The following NT5C2 variants were observed in gnomAD, a reference collection of about 807,000 sequenced individuals.
The protein encoded by NT5C2 is cytosolic purine 5'-nucleotidase.
A neutral mutation model predicts 76.1 loss-of-function variants in NT5C2; 58 were observed. That is an observed-to-expected ratio of 0.76 (90% CI 0.62 to 0.95). NT5C2 has a LOEUF of 0.95. Ranked by LOEUF, NT5C2 falls within the 40% of genes least tolerant of loss-of-function variation. The pLI, the probability that NT5C2 is intolerant of heterozygous loss-of-function variation, is 0.00. For missense variants in NT5C2, 478 were observed against 690.3 expected, an observed-to-expected ratio of 0.69 and a Z score of 3.45; for synonymous variants, 229 against 237.4, an observed-to-expected ratio of 0.96 and a Z score of 0.32.
At chr10:103,172,113 G>A (rs1329648175) in intron 3 of NT5C2, among the ~76,000 whole-genome samples, 1 of 151,980 alleles carries the variant, frequency 6.6e-6, no homozygotes, top group Non-Finnish European at 1.5e-5. Context: ...GGGACGGTGA[G>A]GCAGGAGAAT....
chr10:103,124,820 C>T (rs1270982683), intron 4 of NT5C2, among the ~76,000 whole-genome samples: 1 of 150,620 alleles, frequency 6.6e-6, no homozygotes, highest in African/African-American at 2.4e-5. Context: ...AAAAGTAAGA[C>T]TAGGTCTAAA....
At chr10:103,105,936 C>A in intron 5 of NT5C2, 135 bp from the exon 6 acceptor site, 2 of 553,448 alleles carry the variant, frequency 3.6e-6, no homozygotes, top group Non-Finnish European at 6.4e-6. Context: ...CCTAATATAG[C>A]TAAAGTGAGT....
chr10:103,097,931 G>C (rs1156853847), intron 10 of NT5C2: 3 of 468,826 alleles, frequency 6.4e-6, no homozygotes, highest in African/African-American at 2.1e-5. Flanking sequence ...TTCTCGCATA[G>C]CAAATAGATT....
In NT5C2 at chr10:103,181,198, A is replaced by G. The variant is rs946990072; in HGVS notation, c.-38T>C. The G allele has an allele frequency of 1.3e-5, 2 of 152,104 alleles. No individual in the cohort carries two copies. The highest frequency in any genetic ancestry group is 2.9e-5 in the Non-Finnish European group (2 of 68,032). 9.4% of individuals were successfully genotyped at this position (152,104 alleles called of 1,614,324 possible). On this transcript the variant is annotated 5_prime_UTR_variant, in exon 2 of 19. Transcript: ENST00000404739. Reference sequence around the variant, plus strand: ...CTTATTGTATACCAATTATGCCACAATAAGACTTTTTCAGCCAGTGGCAGT... The same window carrying G: ...CTTATTGTATACCAATTATGCCACAGTAAGACTTTTTCAGCCAGTGGCAGT...
intron 17 of NT5C2, 32 bp downstream of exon 17, chr10:103,090,904 C>G: frequency 6.2e-7 from 1 of 1,608,714 alleles, no homozygotes; most frequent in Non-Finnish European, 8.5e-7. Context: ...AAACTTATTT[C>G]CCAAGTTTTC....
At chr10:103,172,770 G>A (rs892829517) in intron 3 of NT5C2, among the ~76,000 whole-genome samples, 1 of 152,178 alleles carries the variant, frequency 6.6e-6, no homozygotes, top group Non-Finnish European at 1.5e-5. Context: ...AGGAGGCAGA[G>A]GTTGCAGTGA....
chr10:103,131,964 G>C (rs952384206), intron 4 of NT5C2, among the ~76,000 whole-genome samples: 12 of 151,904 alleles, frequency 7.9e-5, no homozygotes, highest in Admixed American at 2.6e-4. Flanking sequence ...GTATTGGCCA[G>C]GCATGGTGGC....
intron 4 of NT5C2, among the ~76,000 whole-genome samples, chr10:103,123,506 TGCCTG>T (rs1221122681): frequency 6.6e-6 from 1 of 152,226 alleles, no homozygotes; most frequent in Non-Finnish European, 1.5e-5. Context: ...TGAGCAATCA[TGCCTG>T]GCCTTATTTT....
At chr10:103,173,006 T>TCAAAA (rs893240860) in intron 3 of NT5C2, among the ~76,000 whole-genome samples, 6 of 151,942 alleles carry the variant, frequency 3.9e-5, no homozygotes, top group Admixed American at 1.3e-4. Flanking sequence ...AGACTCTGTC[T>TCAAAA]CAAAACAAAA....
intron 4 of NT5C2, among the ~76,000 whole-genome samples, chr10:103,138,863 C>T (rs190790531): frequency 1.1e-4 from 17 of 152,108 alleles, no homozygotes; most frequent in African/African-American, 3.6e-4. Context: ...AAAAATTAGC[C>T]GGGTGTGGTG....
intron 4 of NT5C2, among the ~76,000 whole-genome samples, chr10:103,121,365 T>G (rs982862427): frequency 3.9e-5 from 6 of 152,220 alleles, no homozygotes; most frequent in African/African-American, 1.4e-4. Flanking sequence ...TGCATAATAT[T>G]TCTTGCTTTA....
At chr10:103,113,050 A>G (rs924585362) in intron 4 of NT5C2, among the ~76,000 whole-genome samples, 6 of 152,224 alleles carry the variant, frequency 3.9e-5, no homozygotes, top group Non-Finnish European at 7.3e-5. Context: ...CCTAAAAAAG[A>G]TATTTTCATA....
At chr10:103,151,584 C>T (rs551625334) in intron 3 of NT5C2, among the ~76,000 whole-genome samples, 40 of 152,142 alleles carry the variant, frequency 2.6e-4, no homozygotes, top group Middle Eastern at 3.4e-3. Context: ...AATCTATATG[C>T]CTATCTTAAC....
At chr10:103,144,848 C>T (rs2081203630) in intron 3 of NT5C2, among the ~76,000 whole-genome samples, 1 of 152,170 alleles carries the variant, frequency 6.6e-6, no homozygotes, top group South Asian at 2.1e-4. Context: ...CTATGAAGTT[C>T]TACCAAATAT....
At chr10:103,095,868 C>T in intron 12 of NT5C2, 71 bp downstream of exon 12, 1 of 1,391,992 alleles carries the variant, frequency 7.2e-7, no homozygotes, top group East Asian at 2.3e-5. Flanking sequence ...TTCTTTCCCC[C>T]TTAATATTCC....
At chr10:103,181,832 C>T (rs10883842) in intron 1 of NT5C2, among the ~76,000 whole-genome samples, 62,012 of 151,598 alleles carry the variant, frequency 0.41, 12,870 homozygotes, top group East Asian at 0.56. Context: ...TGATGAAACC[C>T]TGTCTCTACT....
intron 3 of NT5C2, among the ~76,000 whole-genome samples, chr10:103,158,118 G>C (rs952895502): frequency 6.6e-6 from 1 of 150,472 alleles, no homozygotes; most frequent in African/African-American, 2.4e-5. Context: ...CAAATATGTA[G>C]AAATTAAACA....
intron 4 of NT5C2, among the ~76,000 whole-genome samples, chr10:103,137,872 G>T (rs2079592412): frequency 6.6e-6 from 1 of 152,238 alleles, no homozygotes; most frequent in East Asian, 1.9e-4. Flanking sequence ...AAACAGCACA[G>T]TGCTGGTGTT....
At chr10:103,090,023 C>T (rs1482925851) in intron 18 of NT5C2, 115 bp from the exon 19 acceptor site, 11 of 711,262 alleles carry the variant, frequency 1.5e-5, no homozygotes, top group Non-Finnish European at 2.5e-5. Context: ...TAATGGACCA[C>T]AGGACAAGTC....
Sources: gnomAD v4.1 joint callset for allele counts (sites outside exome capture counted in the v4.1 genomes callset) on GRCh38, gnomAD v4.1.1 for gene constraint, MANE v1.5 for transcripts, NCBI Gene and HGNC (gene_info 2026-07-23, HGNC 2026-07-21) for gene names.